The following GLO1 variants were observed in gnomAD, a reference collection of about 807,000 sequenced individuals.
GLO1 encodes lactoylglutathione lyase.
GLO1 carries 28 observed loss-of-function variants against 26.0 expected under a neutral mutation model. That is an observed-to-expected ratio of 1.08 (90% confidence interval 0.80 to 1.48). The LOEUF is 1.48. Among genes scored for constraint, GLO1 ranks in the 40% most tolerant of loss-of-function variants. The pLI, the probability that GLO1 is intolerant of heterozygous loss-of-function variation, is 0.00. For synonymous variants in GLO1, 78 were observed against 77.6 expected, an observed-to-expected ratio of 1.00 and a Z score of -0.03; for missense variants, 225 against 224.8, an observed-to-expected ratio of 1.00 and a Z score of -0.01.
At chr6:38,697,099 GAC>G (rs879772998) in intron 1 of GLO1, among the ~76,000 whole-genome samples, 8 of 151,940 alleles carry the variant, frequency 5.3e-5, no homozygotes, top group Non-Finnish European at 1.0e-4. Flanking sequence ...ATTTTTAGTA[GAC>G]ACAGGGTTTC....
At chr6:38,695,316 T>C (rs1761593004) in intron 1 of GLO1, among the ~76,000 whole-genome samples, 1 of 152,136 alleles carries the variant, frequency 6.6e-6, no homozygotes, top group Admixed American at 6.6e-5. Context: ...ATGGCATATA[T>C]ATACATATAC....
At chr6:38,682,768 C>T in intron 4 of GLO1, 40 bp downstream of exon 4, 1 of 1,098,184 alleles carries the variant, frequency 9.1e-7, no homozygotes, top group Non-Finnish European at 1.4e-6. Flanking sequence ...TACAAAATCA[C>T]ACAAATCTAC....
At chr6:38,700,314 C>G (rs1394291656) in intron 1 of GLO1, among the ~76,000 whole-genome samples, 1 of 152,262 alleles carries the variant, frequency 6.6e-6, no homozygotes, top group African/African-American at 2.4e-5. Flanking sequence ...AGGCCCATCA[C>G]CACCATCTTT....
In GLO1 at chr6:38,684,500, C is replaced by G; in HGVS notation, c.182G>C (p.Cys61Ser). ...TGAAAACTTCATAATGGGAAAATCA[C>G]ATTTTTGGATTAGCCTGCAATGAAA... ...RVLGMTLIQK[C>S]DFPIMKFSLY... Residue 61 changes from cysteine to serine, a missense_variant, in exon 3 of 6, where the codon TGT becomes TCT. Transcript: ENST00000373365. 6.5e-7 allele frequency: 1 copy of G among 1,544,936 alleles called. No individual in the cohort carries two copies. Among genetic ancestry groups the G allele is most frequent in the Non-Finnish European group, 8.7e-7 (1 of 1,147,478 alleles).
intron 1 of GLO1, among the ~76,000 whole-genome samples, chr6:38,697,754 C>CA (rs1259060678): frequency 6.6e-6 from 1 of 152,168 alleles, no homozygotes; most frequent in African/African-American, 2.4e-5. Flanking sequence ...TCCCACAAAA[C>CA]AAAAGTGAAC....
At chr6:38,683,336 T>A (rs1761411129) in intron 3 of GLO1, 1 of 153,008 alleles carries the variant, frequency 6.5e-6, no homozygotes, top group Non-Finnish European at 1.5e-5. Flanking sequence ...AGTATGCAGA[T>A]AAACAATGTA....
chr6:38,683,739 T>C (rs756683490), intron 3 of GLO1, among the ~76,000 whole-genome samples: 7 of 151,954 alleles, frequency 4.6e-5, no homozygotes, highest in Middle Eastern at 3.4e-3. Flanking sequence ...TACAAAAAAT[T>C]AGCTGGGCGT....
rs1445526841 is a variant in GLO1 at position 38,683,614 on chromosome 6, G to A, written c.309-739C>T. 5.3e-5 allele frequency among the ~76,000 whole-genome samples: 8 copies of A among 152,352 alleles called. No individual in the cohort carries two copies. In the East Asian group the frequency reaches 1.2e-3, roughly 22 times the overall value. ...TCTAAAAGACAAATGGAGGCCGGGC[G>A]TGGTGGGTCACGCCTGTAATCCCAG... On this transcript the variant is annotated intron_variant, in intron 3 of 5. Transcript: ENST00000373365.
At chr6:38,696,818 C>T (rs10484854) in intron 1 of GLO1, among the ~76,000 whole-genome samples, 27,764 of 152,110 alleles carry the variant, frequency 0.18, 3,209 homozygotes, top group Non-Finnish European at 0.27. Context: ...TGTTGTCTTT[C>T]GACCTTAATA....
At position 38,682,003 on chromosome 6, in the gene GLO1, T is replaced by C. The variant is rs752049401; in HGVS notation, c.466+9A>G. On this transcript the variant is annotated intron_variant, in intron 5 of 5. Coordinates refer to ENST00000373365, the MANE Select transcript of GLO1 (RefSeq NM_006708.3). ...AGACAGGCCTGAACACAGTAAGTAG[T>C]AGACTCACCATCATCAGGTTTCTTC... 4.4e-6 allele frequency: 6 copies of C among 1,351,076 alleles called. No individual in the cohort carries two copies. In the Middle Eastern group the frequency reaches 5.4e-4, roughly 121 times the overall value. 83.7% of individuals were successfully genotyped at this position (1,351,076 alleles called of 1,614,324 possible). A position where few individuals can be genotyped will look rare whatever the true frequency, so the allele number is the denominator to read the frequency against.
intron 1 of GLO1, among the ~76,000 whole-genome samples, chr6:38,700,657 T>A (rs1761684438): frequency 6.6e-6 from 1 of 152,166 alleles, no homozygotes; most frequent in Non-Finnish European, 1.5e-5. Context: ...TATATTAGAG[T>A]TGATATAAGT....
In GLO1 at chr6:38,683,105, G is replaced by T. The variant is rs73414382; in HGVS notation, c.309-230C>A. 240 of 477,678 alleles carry T rather than the reference G, an allele frequency of 5.0e-4. 2 individuals are homozygous for T. The highest frequency in any genetic ancestry group is 3.6e-3 in the South Asian group (94 of 26,330). 29.6% of individuals were successfully genotyped at this position (477,678 alleles called of 1,614,324 possible). ...AGGTACTGGACAAGAACAATAATAA[G>T]AATAATAATAATGCTCATTTATTGT... is the stretch of plus-strand genomic sequence containing the variant. On this transcript the variant is annotated intron_variant, in intron 3 of 5. Coordinates refer to ENST00000373365, the MANE Select transcript of GLO1 (RefSeq NM_006708.3).
intron 5 of GLO1, among the ~76,000 whole-genome samples, chr6:38,678,400 A>AAGG (rs749538121): frequency 1.9e-5 from 1 of 51,804 alleles, no homozygotes; most frequent in African/African-American, 5.9e-5. Context: ...GGAAGGAAGG[A>AAGG]AAAGAAAAGG....
intron 1 of GLO1, among the ~76,000 whole-genome samples, chr6:38,698,657 C>T (rs1280619872): frequency 9.1e-5 from 10 of 110,004 alleles, no homozygotes; most frequent in South Asian, 3.0e-4. Context: ...AGAACCTGAC[C>T]TTTTTTTTTT....
At chr6:38,680,926 A>T (rs1377655487) in intron 5 of GLO1, among the ~76,000 whole-genome samples, 2 of 152,186 alleles carry the variant, frequency 1.3e-5, no homozygotes, top group African/African-American at 4.8e-5. Context: ...ATATGAAGAA[A>T]AAGTGATCAA....
In GLO1 at chr6:38,687,010, T is replaced by C. The variant is rs754689081; in HGVS notation, c.85-36A>G. ...ATATTTATATTAAACATCTTTCACT[T>C]TTACCATTTATTACCAACATTAATT... On this transcript the variant is annotated intron_variant, in intron 1 of 5. Coordinates refer to ENST00000373365, the MANE Select transcript of GLO1 (RefSeq NM_006708.3). 9 of 1,549,628 alleles carry C rather than the reference T, an allele frequency of 5.8e-6. No individual in the cohort carries two copies. The South Asian group carries it at 8.1e-5, about 14-fold the overall frequency.
intron 5 of GLO1, among the ~76,000 whole-genome samples, chr6:38,678,740 C>T (rs1173312093): frequency 3.3e-5 from 5 of 152,230 alleles, no homozygotes; most frequent in Admixed American, 6.5e-5. Context: ...GCCCTCTCTC[C>T]ACGCCCAGGG....
At chr6:38,697,391 G>C (rs548665731) in intron 1 of GLO1, among the ~76,000 whole-genome samples, 1 of 152,320 alleles carries the variant, frequency 6.6e-6, no homozygotes, top group African/African-American at 2.4e-5. Flanking sequence ...ACACAGATCA[G>C]GTACAGGGAG....
rs34141605 is a variant in GLO1 at position 38,700,783 on chromosome 6, G to GTTT, written c.84+2185_84+2187dup. ...TCAAACTGAATTTAATTCATTGAGG[G>GTTT]TTTTTTTTTTTTTTTGGACAAAGTC... On this transcript the variant is annotated intron_variant, in intron 1 of 5. Transcript: ENST00000373365. Among the ~76,000 whole-genome samples, 416 of 139,286 alleles carry GTTT rather than the reference G, an allele frequency of 3.0e-3. 4 individuals carry two copies. The highest frequency in any genetic ancestry group is 0.011 in the Middle Eastern group (3 of 274). The allele number at this position is 139,286 out of a possible 152,430, so 91.4% of individuals were successfully genotyped here.
Sources: allele counts gnomAD v4.1 joint callset (sites outside exome capture counted in the v4.1 genomes callset), GRCh38; gene constraint gnomAD v4.1.1; transcripts MANE v1.5; gene names NCBI Gene and HGNC (gene_info 2026-07-23, HGNC 2026-07-21).